Variants in ZNF589 observed in about 807,000 individuals in gnomAD.
The protein encoded by ZNF589 is zinc finger protein 589, also known as KRAB-zinc finger protein SZF1-1.
ZNF589 carries 17 observed loss-of-function variants against 13.6 expected under a neutral mutation model. The ratio of observed to expected loss-of-function variants is 1.25; its 90% CI spans 0.86 to 1.88. The LOEUF is 1.88. ZNF589 is among the 40% of genes most tolerant of loss of function. The probability of loss-of-function intolerance (pLI) is 0.00; values close to 1 mark genes in which losing one functional copy is unlikely to be tolerated. For missense variants in ZNF589, 407 were observed against 434.0 expected (o/e 0.94, Z 0.55); for synonymous variants, 148 against 161.6 (o/e 0.92, Z 0.64).
At chr3:48,262,306 C>G (rs1248518085) in intron 3 of ZNF589, among the ~76,000 whole-genome samples, 1 of 152,120 alleles carries the variant, frequency 6.6e-6, no homozygotes, top group African/African-American at 2.4e-5. Flanking sequence ...TCTCCTGCCT[C>G]AGCCTCCCGA....
At chr3:48,247,083 G>A (rs948570780) in intron 1 of ZNF589, among the ~76,000 whole-genome samples, 1 of 152,164 alleles carries the variant, frequency 6.6e-6, no homozygotes, top group Non-Finnish European at 1.5e-5. Flanking sequence ...CGATTCTCCT[G>A]CCACAGCCTC....
Position 48,256,496 on chromosome 3 carries a change from T to C in ZNF589, c.97-4317T>C, listed in dbSNP as rs907051853. The stretch of plus-strand genomic sequence containing the variant: ...GGGACCCCAGTGGGTCAGGTACTGG[T>C]TGAATTGGGGTTTGCCCTTTGGAAC... On this transcript the variant is annotated intron_variant, in intron 2 of 3. Transcript: ENST00000354698. 5.0e-6 allele frequency: 3 copies of C among 599,716 alleles called. No individual in the cohort carries two copies. The African/African-American group carries it at 5.6e-5, about 11-fold the overall frequency. 37.1% of individuals were successfully genotyped at this position (599,716 alleles called of 1,614,324 possible).
intron 3 of ZNF589, among the ~76,000 whole-genome samples, chr3:48,264,160 A>G (rs2033996382): frequency 6.6e-6 from 1 of 152,136 alleles, no homozygotes; most frequent in African/African-American, 2.4e-5. Flanking sequence ...TGGGCCCTCT[A>G]AGCAGCTTGG....
In ZNF589 at chr3:48,247,611, C is replaced by T; in HGVS notation, c.44-14C>T. ...TAGGGCTGGCTTCTCAAGGTTGCTT[C>T]TTTCTTTCCCCAGCTCTGCCTGCCA... On this transcript the variant is annotated splice_polypyrimidine_tract_variant and intron_variant, in intron 1 of 3. Transcript: ENST00000354698. 6.2e-7 allele frequency: 1 copy of T among 1,606,798 alleles called. No homozygotes were observed. Among genetic ancestry groups the T allele is most frequent in the Middle Eastern group, 1.8e-4 (1 of 5,518 alleles).
At chr3:48,256,925 T>G in intron 2 of ZNF589, 1 of 693,952 alleles carries the variant, frequency 1.4e-6, no homozygotes, top group Non-Finnish European at 2.6e-6. Context: ...CACCAGAGCC[T>G]CAAAGGCCGC....
At chr3:48,241,919 G>T (rs922627279) in intron 1 of ZNF589, among the ~76,000 whole-genome samples, 1 of 151,744 alleles carries the variant, frequency 6.6e-6, no homozygotes, top group Admixed American at 6.6e-5. Flanking sequence ...AGGCTCAAGT[G>T]ATTCTCGTGC....
rs1350128400 is a variant in ZNF589, at chr3:48,268,912, G to A, written c.*126G>A. Reference sequence around the variant, plus strand: ...CTAAATCAACTCTCCTCCTACACCAGTGGACACATTCAGAGGTGAAACCTC... The same window carrying A: ...CTAAATCAACTCTCCTCCTACACCAATGGACACATTCAGAGGTGAAACCTC... On this transcript the variant is annotated 3_prime_UTR_variant, in exon 4 of 4. Transcript: ENST00000354698. 13 of 1,327,752 alleles carry A rather than the reference G, an allele frequency of 9.8e-6. No individual in the cohort carries two copies. The highest frequency in any genetic ancestry group is 1.2e-5 in the Non-Finnish European group (12 of 961,290). The allele number at this position is 1,327,752 out of a possible 1,614,324, so 82.2% of individuals were successfully genotyped here.
intron 2 of ZNF589, chr3:48,256,417 A>G (rs532522898): frequency 1.6e-5 from 9 of 558,898 alleles, no homozygotes; most frequent in South Asian, 1.2e-4. Context: ...CCCCAAGGCC[A>G]TGAACGCCCT....
chr3:48,254,813 T>C (rs778353115), intron 2 of ZNF589, among the ~76,000 whole-genome samples: 8 of 152,128 alleles, frequency 5.3e-5, no homozygotes, highest in Non-Finnish European at 1.2e-4. Flanking sequence ...AAGCAGATGA[T>C]CTTATATCCT....
rs2106851964 is a variant in ZNF589 at position 48,268,834 on chromosome 3, A to G, written c.*48A>G. 6.4e-7 allele frequency: 1 copy of G among 1,560,552 alleles called. No individual in the cohort carries two copies. ...CATGTCTCAACACACACCAGAGGAT[A>G]CATTCAGATGAGAAGCCTTTTGTTT... On this transcript the variant is annotated 3_prime_UTR_variant, in exon 4 of 4. Transcript: ENST00000354698.
intron 3 of ZNF589, 49 bp from the exon 4 acceptor site, chr3:48,267,866 C>T (rs751114168): frequency 6.2e-5 from 95 of 1,529,620 alleles, no homozygotes; most frequent in Admixed American, 4.2e-5. Context: ...AACAAGAGCC[C>T]AGTCAGCCCT....
At chr3:48,243,218 G>C (rs1369806861) in intron 1 of ZNF589, among the ~76,000 whole-genome samples, 1 of 152,046 alleles carries the variant, frequency 6.6e-6, no homozygotes, top group Admixed American at 6.6e-5. Context: ...GAAGGCTGAG[G>C]CTAGGATCAC....
At position 48,254,102 on chromosome 3, in the gene ZNF589, C is replaced by T. The variant is rs549505393; in HGVS notation, c.96+6425C>T. On this transcript the variant is annotated intron_variant, in intron 2 of 3. Transcript: ENST00000354698. The stretch of plus-strand genomic sequence containing the variant: ...GAGACCTTATCTCTTAAAAAACAAA[C>T]AAAACAAGCTGGGCGTGGTGGCTCA... Among the ~76,000 whole-genome samples the T allele has an allele frequency of 2.0e-5, 3 of 151,148 alleles. No homozygotes were observed. In the South Asian group the frequency reaches 6.4e-4, roughly 32 times the overall value.
chr3:48,267,490 G>A (rs1383829079), intron 3 of ZNF589, among the ~76,000 whole-genome samples: 5 of 151,598 alleles, frequency 3.3e-5, no homozygotes, highest in East Asian at 1.9e-4. Flanking sequence ...TCTGCCTCCC[G>A]GGTTCAAGTG....
In ZNF589 at chr3:48,269,088, A is replaced by G; in HGVS notation, c.*302A>G. ...GTCCTCAATGGACACTGGAGGACAC[A>G]CACGGGAGAGAAGCCTTACACGTGC... On this transcript the variant is annotated 3_prime_UTR_variant, in exon 4 of 4. Transcript: ENST00000354698. 1.5e-6 allele frequency: 1 copy of G among 651,956 alleles called. No individual in the cohort carries two copies. 40.4% of individuals were successfully genotyped at this position (651,956 alleles called of 1,614,324 possible).
chr3:48,263,966 C>T (rs17647717), intron 3 of ZNF589, among the ~76,000 whole-genome samples: 32,577 of 152,124 alleles, frequency 0.21, 4,362 homozygotes, highest in Non-Finnish European at 0.3. Context: ...TATGTATTGA[C>T]TATTAAACAC....
In ZNF589 at chr3:48,268,657, TC is replaced by T; in HGVS notation, c.967del (p.Gln323ArgfsTer48). 1 of 1,610,404 alleles carries T rather than the reference TC, an allele frequency of 6.2e-7. No individual in the cohort carries two copies. The highest frequency in any genetic ancestry group is 1.7e-5 in the Admixed American group (1 of 59,626). ...GCTGCAAGCCATACCTCATCAGACA[TC>T]AGAGGACACACACAAGGGAGAAATC... ...FSCKPYLIRH[Q>X]RTHTREKSFM... On this transcript the variant is annotated frameshift_variant, in exon 4 of 4. Transcript: ENST00000354698. LOFTEE classifies it low-confidence loss of function (END_TRUNC).
At chr3:48,242,761 T>C (rs1045437048) in intron 1 of ZNF589, among the ~76,000 whole-genome samples, 2 of 152,040 alleles carry the variant, frequency 1.3e-5, no homozygotes, top group Admixed American at 6.6e-5. Flanking sequence ...ACTTTCTTTA[T>C]AGACATTGAA....
At position 48,268,131 on chromosome 3, in the gene ZNF589, T is replaced by C; in HGVS notation, c.440T>C (p.Val147Ala). The change falls in exon 4 of 4, where the codon GTG (valine) becomes GCG (alanine). Residue 147 changes from valine (V) to alanine (A), a missense_variant. Transcript: ENST00000354698. ...GGGGCTGAAGCAGAAGATCAACGAGTGGAAGGAGGCGTCAGACCCTTGTTT... is the reference window on the plus strand; with the variant it reads ...GGGGCTGAAGCAGAAGATCAACGAGCGGAAGGAGGCGTCAGACCCTTGTTT... ...HRGAEAEDQR[V>A]EGGVRPLFWS... The C allele has an allele frequency of 1.2e-6, 2 of 1,613,866 alleles. No homozygotes were observed. The highest frequency in any genetic ancestry group is 1.7e-6 in the Non-Finnish European group (2 of 1,179,948).
Sources: allele counts gnomAD v4.1 joint callset (sites outside exome capture counted in the v4.1 genomes callset), GRCh38; gene constraint gnomAD v4.1.1; transcripts MANE v1.5; gene names NCBI Gene and HGNC (gene_info 2026-07-23, HGNC 2026-07-21).